The following ADAM10 variants were observed in gnomAD, a reference collection of about 807,000 sequenced individuals.
ADAM10 encodes disintegrin and metalloproteinase domain-containing protein 10.
Under a neutral mutation model 90.1 loss-of-function variants are expected in ADAM10, and 17 were observed. The ratio of observed to expected loss-of-function variants is 0.19; its 90% CI spans 0.13 to 0.28. ADAM10 has a LOEUF of 0.28. Among genes scored for constraint, ADAM10 ranks in the 10% least tolerant of loss-of-function variants. ADAM10 has a pLI of 1.00. For synonymous variants in ADAM10, 310 were observed against 298.6 expected (o/e 1.04, Z -0.40); for missense variants, 610 against 914.3 (o/e 0.67, Z 4.29).
At chr15:58,731,172 C>T (rs1899224143) in intron 1 of ADAM10, among the ~76,000 whole-genome samples, 1 of 152,158 alleles carries the variant, frequency 6.6e-6, no homozygotes, top group African/African-American at 2.4e-5. Flanking sequence ...ATTCAACCAA[C>T]TGTGGATTCA....
At chr15:58,748,895 C>T (rs1225601564) in intron 1 of ADAM10, 1 of 399,114 alleles carries the variant, frequency 2.5e-6, no homozygotes, top group Non-Finnish European at 4.4e-6. Context: ...GGCGGCCCCT[C>T]TGCAGAATGG....
chr15:58,659,703 C>T lies in ADAM10; in HGVS notation c.585+5394G>A, dbSNP rs143905626. Among the ~76,000 whole-genome samples, 1,051 of 152,196 alleles carry T rather than the reference C, an allele frequency of 6.9e-3. 14 individuals carry two copies. Among genetic ancestry groups the T allele is most frequent in the African/African-American group, 0.024 (1,005 of 41,528 alleles). On this transcript the variant is annotated intron_variant, in intron 5 of 15. Transcript: ENST00000260408. ...CTCTGGTATGACTATCAAAGTAACA[C>T]TGCCCTCATAAAATGTGTTATGAAG... is the stretch of plus-strand genomic sequence containing the variant.
intron 1 of ADAM10, among the ~76,000 whole-genome samples, chr15:58,727,804 T>C (rs1340207532): frequency 6.6e-6 from 1 of 151,320 alleles, no homozygotes; most frequent in East Asian, 1.9e-4. Context: ...ACAAAAAAAA[T>C]TATGAGGGAT....
At chr15:58,703,504 T>G (rs568957543) in intron 2 of ADAM10, among the ~76,000 whole-genome samples, 1 of 152,074 alleles carries the variant, frequency 6.6e-6, no homozygotes, top group Non-Finnish European at 1.5e-5. Context: ...CAATAGAATA[T>G]TGTTCAGCCC....
chr15:58,627,799 C>A lies in ADAM10; in HGVS notation c.1261G>T (p.Ala421Ser). 1 of 1,613,650 alleles carries A rather than the reference C, an allele frequency of 6.2e-7. No homozygotes were observed. The highest frequency in any genetic ancestry group is 8.5e-7 in the Non-Finnish European group (1 of 1,179,700). Residue 421 changes from alanine to serine, a missense_variant, in exon 10 of 16, where the codon GCA (alanine) becomes TCA (serine). This residue lies in a region of ADAM10 where 97 missense variants were observed against 221.4 expected (regional missense o/e 0.44). Transcript: ENST00000260408. ...ENGNYIMYAR[A>S]TSGDKLNNNK... Reference sequence around the variant, plus strand: ...TTGTTAAGTTTGTCCCCAGATGTTGCTCTTGCATACATGATGTAATTGCCA... The same window carrying A: ...TTGTTAAGTTTGTCCCCAGATGTTGATCTTGCATACATGATGTAATTGCCA...
Position 58,740,417 on chromosome 15 carries a change from A to G in ADAM10, c.55+9063T>C, listed in dbSNP as rs970113303. Among the ~76,000 whole-genome samples the G allele has an allele frequency of 2.9e-4, 23 of 79,956 alleles. No individual in the cohort carries two copies. The African/African-American group carries it at 3.1e-3, about 11-fold the overall frequency. The allele number at this position is 79,956 out of a possible 152,430, so 52.5% of individuals were successfully genotyped here. On this transcript the variant is annotated intron_variant, in intron 1 of 15. Coordinates refer to ENST00000260408, the MANE Select transcript of ADAM10 (RefSeq NM_001110.4). ...GCGCGAGACTCTGTCTCTAGGGAAG[A>G]AAAAAAAAAAAGAACAGCAATATCT...
intron 14 of ADAM10, among the ~76,000 whole-genome samples, chr15:58,603,089 G>A (rs891699824): frequency 5.3e-5 from 8 of 152,092 alleles, no homozygotes; most frequent in African/African-American, 1.9e-4. Context: ...TCTTGAGACT[G>A]CCAGATTTTT....
Position 58,597,594 on chromosome 15 carries a change from G to T in ADAM10, c.2200C>A (p.Arg734Ser), listed in dbSNP as rs151017836. ...TGATAACTCTCTCGGGGCCGCTGAC[G>T]CTGGGGTTGCTGAATGGGCTGTGGA... The part of the protein sequence containing the change: ...RPPQPIQQPQ[R>S]QRPRESYQMG... Residue 734 changes from arginine to serine, a missense_variant, in exon 16 of 16, where the codon CGT becomes AGT. Coordinates refer to ENST00000260408, the MANE Select transcript of ADAM10 (RefSeq NM_001110.4). 194 of 1,614,010 alleles carry T rather than the reference G, an allele frequency of 1.2e-4. No homozygotes were observed. The highest frequency in any genetic ancestry group is 1.6e-4 in the Non-Finnish European group (185 of 1,180,018).
chr15:58,688,749 T>C (rs879348161), intron 2 of ADAM10, among the ~76,000 whole-genome samples: 1 of 130,286 alleles, frequency 7.7e-6, no homozygotes, highest in Non-Finnish European at 1.6e-5. Flanking sequence ...ATATAATTTC[T>C]AAAATGAAAA....
intron 1 of ADAM10, among the ~76,000 whole-genome samples, chr15:58,726,045 C>T (rs1416550039): frequency 6.6e-6 from 1 of 152,086 alleles, no homozygotes; most frequent in South Asian, 2.1e-4. Flanking sequence ...CATTTTTAAT[C>T]TCTTTCAAAG....
chr15:58,669,495 A>G (rs1385125892), intron 4 of ADAM10, among the ~76,000 whole-genome samples: 1 of 152,158 alleles, frequency 6.6e-6, no homozygotes, highest in African/African-American at 2.4e-5. Context: ...TGGAGGAGAG[A>G]GAATGTACAT....
chr15:58,714,286 T>TACACAC (rs1249808977), intron 2 of ADAM10, among the ~76,000 whole-genome samples: 71 of 75,734 alleles, frequency 9.4e-4, no homozygotes, highest in African/African-American at 2.0e-3. Context: ...TACTTATACA[T>TACACAC]ACACATACAC....
intron 4 of ADAM10, chr15:58,672,786 C>CAAAAAAAAAAAAAAAAAAAAAAAAAA (rs58659295): frequency 2.6e-4 from 16 of 60,834 alleles, no homozygotes; most frequent in African/African-American, 9.6e-4. Flanking sequence ...CCTCATGCAG[C>CAAAAAAAAAAAAAAAAAAAAAAAAAA]AAAAAAAAAA....
intron 1 of ADAM10, among the ~76,000 whole-genome samples, chr15:58,745,529 A>G (rs560006668): frequency 1.3e-5 from 2 of 152,320 alleles, no homozygotes; most frequent in African/African-American, 4.8e-5. Context: ...TTTTTTAAAA[A>G]ACATCTAATA....
chr15:58,598,876 T>C (rs1665914643), intron 15 of ADAM10, among the ~76,000 whole-genome samples: 1 of 152,236 alleles, frequency 6.6e-6, no homozygotes, highest in Admixed American at 6.5e-5. Context: ...AGAGTTGTTT[T>C]CAGGAATGGA....
In ADAM10 at chr15:58,711,766, C is replaced by A. The variant is rs561154396; in HGVS notation, c.206+5811G>T. ...TATACATACAACCACAAAAATAATTCAATATAATAGTGTATATATACTTCC... is the reference window on the plus strand; with the variant it reads ...TATACATACAACCACAAAAATAATTAAATATAATAGTGTATATATACTTCC... On this transcript the variant is annotated intron_variant, in intron 2 of 15. Transcript: ENST00000260408. 9.2e-5 allele frequency among the ~76,000 whole-genome samples: 14 copies of A among 152,204 alleles called. No homozygotes were observed. The South Asian group carries it at 2.9e-3, about 32-fold the overall frequency.
intron 2 of ADAM10, among the ~76,000 whole-genome samples, chr15:58,689,952 CAA>C (rs1555418399): frequency 0.082 from 8,779 of 107,398 alleles, 489 homozygotes; most frequent in East Asian, 0.15. Context: ...AGACCCCCCC[CAA>C]AAAAAAAAAA....
chr15:58,745,431 T>C (rs968885228), intron 1 of ADAM10, among the ~76,000 whole-genome samples: 4 of 152,208 alleles, frequency 2.6e-5, no homozygotes, highest in Non-Finnish European at 4.4e-5. Flanking sequence ...GGTTTCTTAC[T>C]TACCCATTTA....
chr15:58,719,149 C>A, intron 1 of ADAM10, among the ~76,000 whole-genome samples: 1 of 152,056 alleles, frequency 6.6e-6, no homozygotes, highest in Non-Finnish European at 1.5e-5. Flanking sequence ...CATGGTGAAA[C>A]CCTATCTCTA....
Sources: allele counts gnomAD v4.1 joint callset (sites outside exome capture counted in the v4.1 genomes callset), GRCh38; gene constraint gnomAD v4.1.1; regional missense constraint gnomAD v4.1.1; transcripts MANE v1.5; gene names NCBI Gene and HGNC (gene_info 2026-07-23, HGNC 2026-07-21).